Variants in SAMMSON observed in about 807,000 individuals in gnomAD.
The protein encoded by SAMMSON is survival associated mitochondrial melanoma specific oncogenic non-coding RNA, also known as long intergenic non-protein coding RNA 1212.
intron 4 of SAMMSON, among the ~76,000 whole-genome samples, chr3:70,132,668 G>A (rs973565636): frequency 4.0e-5 from 6 of 151,656 alleles, no homozygotes; most frequent in Non-Finnish European, 5.9e-5. Context: ...TGGGTTGGGT[G>A]TGGTGGCTCA....
chr3:70,058,760 C>A (rs780478178), intron 3 of SAMMSON, among the ~76,000 whole-genome samples: 2 of 152,042 alleles, frequency 1.3e-5, no homozygotes, highest in Non-Finnish European at 2.9e-5. Flanking sequence ...TTGCTACTTA[C>A]CAGTGACTGT....
intron 4 of SAMMSON, among the ~76,000 whole-genome samples, chr3:70,198,275 A>G (rs1205116637): frequency 1.3e-5 from 2 of 152,048 alleles, no homozygotes; most frequent in Admixed American, 1.3e-4. Context: ...AAGGATCTGT[A>G]TTTTTCCCAA....
At chr3:70,129,839 T>C (rs762703759) in intron 4 of SAMMSON, among the ~76,000 whole-genome samples, 1 of 152,170 alleles carries the variant, frequency 6.6e-6, no homozygotes, top group Non-Finnish European at 1.5e-5. Flanking sequence ...TTGAAAACAG[T>C]TAGACTTTAT....
chr3:70,270,288 A>G (rs990447163), intron 6 of SAMMSON, among the ~76,000 whole-genome samples: 2 of 152,244 alleles, frequency 1.3e-5, no homozygotes, highest in African/African-American at 4.8e-5. Context: ...ATTACAAAAT[A>G]TTTCAAAGCA....
chr3:70,419,078 G>A (rs995806135), intron 2 of SAMMSON, among the ~76,000 whole-genome samples: 1 of 151,214 alleles, frequency 6.6e-6, no homozygotes, highest in Middle Eastern at 3.4e-3. Flanking sequence ...AGGCTGGAGT[G>A]CAGTGGCATG....
chr3:70,114,010 C>G lies in SAMMSON; in HGVS notation n.507+42445C>G, dbSNP rs529497813. 3.3e-5 allele frequency among the ~76,000 whole-genome samples: 5 copies of G among 152,272 alleles called. No individual in the cohort carries two copies. The South Asian group carries it at 1.0e-3, about 32-fold the overall frequency. Reference sequence around the variant, plus strand: ...TATAAATATCTGTTGTTTAAGCCATCCAATCTGTGGTATTTTGTTATAGGA... The same window carrying G: ...TATAAATATCTGTTGTTTAAGCCATGCAATCTGTGGTATTTTGTTATAGGA... On this transcript the variant is annotated intron_variant and non_coding_transcript_variant, in intron 4 of 9. Coordinates refer to ENST00000642114, the Ensembl canonical transcript of SAMMSON.
chr3:70,047,494 G>A (rs2067131340), intron 3 of SAMMSON, among the ~76,000 whole-genome samples: 1 of 151,774 alleles, frequency 6.6e-6, no homozygotes, highest in Admixed American at 6.6e-5. Context: ...ACACCTCCAT[G>A]CACAGCTAAT....
rs565034631 is a variant in SAMMSON at position 70,024,091 on chromosome 3, C to A, written n.417+10419C>A. ...TCACTAGCAGGTCTACGCAATTCTG[C>A]CTGGGATTGCACTCTCATTATTCTG... On this transcript the variant is annotated intron_variant and non_coding_transcript_variant, in intron 3 of 9. Transcript: ENST00000642114. Among the ~76,000 whole-genome samples the A allele has an allele frequency of 2.3e-4, 35 of 152,202 alleles. No homozygotes were observed. In the South Asian group the frequency reaches 7.3e-3, roughly 32 times the overall value.
At position 70,224,020 on chromosome 3, in the gene SAMMSON, T is replaced by C. The variant is rs1701481880; in HGVS notation, n.508-25087T>C. Reference sequence around the variant, plus strand: ...AAGACTGCAGTATCTACAGTCTTTATATATTTCCCCATATATCTTGATCTC... The same window carrying C: ...AAGACTGCAGTATCTACAGTCTTTACATATTTCCCCATATATCTTGATCTC... On this transcript the variant is annotated intron_variant and non_coding_transcript_variant, in intron 4 of 9. Transcript: ENST00000642114. 3.3e-5 allele frequency among the ~76,000 whole-genome samples: 5 copies of C among 152,176 alleles called. No individual in the cohort carries two copies. In the South Asian group the frequency reaches 1.0e-3, roughly 32 times the overall value.
At chr3:70,300,498 T>C (rs1559558102) in intron 7 of SAMMSON, among the ~76,000 whole-genome samples, 1 of 152,030 alleles carries the variant, frequency 6.6e-6, no homozygotes, top group East Asian at 1.9e-4. Context: ...TTTCCAGCAA[T>C]GTAGTTATAT....
intron 3 of SAMMSON, among the ~76,000 whole-genome samples, chr3:70,042,456 T>C (rs2067109606): frequency 6.6e-6 from 1 of 152,064 alleles, no homozygotes; most frequent in African/African-American, 2.4e-5. Flanking sequence ...TTCAAGCATG[T>C]TTTTTTGTTG....
intron 6 of SAMMSON, among the ~76,000 whole-genome samples, chr3:70,267,394 CTTTTTTTTTTTTTTT>C (rs9310185): frequency 1.3e-5 from 1 of 74,844 alleles, no homozygotes; most frequent in Non-Finnish European, 2.3e-5. Flanking sequence ...TTTTTAATAG[CTTTTTTTTTTTTTTT>C]TTTTTTTTTT....
chr3:70,119,890 G>C (rs1043846816), intron 4 of SAMMSON, among the ~76,000 whole-genome samples: 1 of 152,042 alleles, frequency 6.6e-6, no homozygotes, highest in Non-Finnish European at 1.5e-5. Context: ...ATCCATTTTG[G>C]TTATTTTAAA....
chr3:70,191,711 T>A (rs1433292207), intron 4 of SAMMSON, among the ~76,000 whole-genome samples: 1 of 152,162 alleles, frequency 6.6e-6, no homozygotes, highest in Non-Finnish European at 1.5e-5. Context: ...GCTTTAAAAG[T>A]AACTACTTGA....
At position 70,327,304 on chromosome 3, in the gene SAMMSON, T is replaced by A. The variant is rs928821634; in HGVS notation, n.740-26871T>A. On this transcript the variant is annotated intron_variant and non_coding_transcript_variant, in intron 7 of 9. Transcript: ENST00000642114. The stretch of plus-strand genomic sequence containing the variant: ...ACAAACAAGCATACAAACAAACATA[T>A]AATCCACAGTAATTAGACATTAGAC... 3.3e-5 allele frequency among the ~76,000 whole-genome samples: 5 copies of A among 152,136 alleles called. No individual in the cohort carries two copies. In the East Asian group the frequency reaches 9.6e-4, roughly 29 times the overall value.
intron 4 of SAMMSON, among the ~76,000 whole-genome samples, chr3:70,153,003 G>A (rs937064832): frequency 6.6e-6 from 1 of 151,986 alleles, no homozygotes; most frequent in Admixed American, 6.6e-5. Flanking sequence ...CATGCGATGC[G>A]TAAATGTATG....
intron 4 of SAMMSON, among the ~76,000 whole-genome samples, chr3:70,143,867 C>G (rs992741411): frequency 6.6e-6 from 1 of 152,102 alleles, no homozygotes; most frequent in Non-Finnish European, 1.5e-5. Flanking sequence ...TTCTGCTGTC[C>G]TGCCAGGACA....
chr3:70,265,070 G>A (rs977876439), intron 6 of SAMMSON, among the ~76,000 whole-genome samples: 9 of 152,028 alleles, frequency 5.9e-5, no homozygotes, highest in Middle Eastern at 3.2e-3. Flanking sequence ...CAAGAACAGC[G>A]CAGGAAAGAC....
chr3:70,000,191 G>A (rs1324016052), intron 1 of SAMMSON, among the ~76,000 whole-genome samples: 3 of 152,146 alleles, frequency 2.0e-5, no homozygotes. Context: ...GTCCACTGGG[G>A]CTTCGGGAGC....
Sources: allele counts gnomAD v4.1 joint callset (sites outside exome capture counted in the v4.1 genomes callset), GRCh38; gene constraint gnomAD v4.1.1; transcripts MANE v1.5; gene names NCBI Gene and HGNC (gene_info 2026-07-23, HGNC 2026-07-21).